Variants in UGT1A10 observed in about 807,000 individuals in gnomAD.
The protein encoded by UGT1A10 is UDP-glucuronosyltransferase 1A10.
UGT1A10 carries 49 observed loss-of-function variants against 45.8 expected under a neutral mutation model. The observed-to-expected ratio is 1.07, with a 90% confidence interval of 0.85 to 1.36. The LOEUF (loss-of-function observed/expected upper bound fraction) is 1.36, where lower values mean the gene tolerates loss of function less well. UGT1A10 is among the 40% of genes most tolerant of loss of function. The probability of loss-of-function intolerance (pLI) is 0.00; values close to 1 mark genes in which losing one functional copy is unlikely to be tolerated. For missense variants in UGT1A10, 745 were observed against 668.6 expected (o/e 1.11, Z -1.26); for synonymous variants, 284 against 249.7 (o/e 1.14, Z -1.29).
chr2:233,732,188 TA>T lies in UGT1A10; in HGVS notation c.856-34845del, dbSNP rs994200311. Among the ~76,000 whole-genome samples the T allele has an allele frequency of 9.1e-4, 138 of 152,390 alleles. 1 individual carries two copies. The highest frequency in any genetic ancestry group is 3.2e-3 in the African/African-American group (134 of 41,598). ...TGAGTTCTTTGTAGATTCTGGATATTAGCCCTTTGTCAGATGGGTAGATTGC... is the reference window on the plus strand; with the variant it reads ...TGAGTTCTTTGTAGATTCTGGATATTGCCCTTTGTCAGATGGGTAGATTGC... On this transcript the variant is annotated intron_variant, in intron 1 of 4. Transcript: ENST00000344644.
intron 1 of UGT1A10, among the ~76,000 whole-genome samples, chr2:233,686,049 ATAGTGTC>A (rs1203423623): frequency 1.3e-5 from 2 of 152,178 alleles, no homozygotes; most frequent in African/African-American, 4.8e-5. Context: ...ATGGCAAAGA[ATAGTGTC>A]TTCAGCAGAG....
At chr2:233,670,149 TAAGA>T (rs1302454652) in intron 1 of UGT1A10, among the ~76,000 whole-genome samples, 1 of 152,238 alleles carries the variant, frequency 6.6e-6, no homozygotes, top group Non-Finnish European at 1.5e-5. Flanking sequence ...AAAATGTTAT[TAAGA>T]AAATCTTAAG....
chr2:233,636,702 A>G lies in UGT1A10; in HGVS notation c.180A>G (p.Pro60=). The G allele has an allele frequency of 6.2e-7, 1 of 1,614,146 alleles. No individual in the cohort carries two copies. The highest frequency in any genetic ancestry group is 8.5e-7 in the Non-Finnish European group (1 of 1,179,978). Reference sequence around the variant, plus strand: ...GGCATGAGGTGGTTGTAGTCATGCCAGAGGTGAGTTGGCAACTGGAAAGAT... The same window carrying G: ...GGCATGAGGTGGTTGTAGTCATGCCGGAGGTGAGTTGGCAACTGGAAAGAT... ...LRGHEVVVVM[P]EVSWQLERSL... is the part of the protein sequence containing the mutation. The change falls in exon 1 of 5, where the codon CCA becomes CCG. Residue 60 remains proline, a synonymous_variant. Coordinates refer to ENST00000344644, the MANE Select transcript of UGT1A10 (RefSeq NM_019075.4).
rs969396704 is a variant in UGT1A10 at position 233,741,897 on chromosome 2, C to A, written c.856-25137C>A. On this transcript the variant is annotated intron_variant, in intron 1 of 4. Coordinates refer to ENST00000344644, the MANE Select transcript of UGT1A10 (RefSeq NM_019075.4). ...AGAGGTGACCCTAGAAGAAGGGACC[C>A]TTTGTGATGGAAAAGGTCTTCATTT... 18 of 151,852 alleles carry A rather than the reference C, an allele frequency of 1.2e-4. 1 individual carries two copies. Among genetic ancestry groups the A allele is most frequent in the African/African-American group, 4.1e-4 (17 of 41,132 alleles). The allele number at this position is 151,852 out of a possible 1,614,324, so 9.4% of individuals were successfully genotyped here. A position where few individuals can be genotyped will look rare whatever the true frequency, so the allele number is the denominator to read the frequency against.
intron 1 of UGT1A10, among the ~76,000 whole-genome samples, chr2:233,763,740 G>A (rs752841443): frequency 3.7e-4 from 57 of 152,188 alleles, no homozygotes; most frequent in Non-Finnish European, 5.6e-4. Flanking sequence ...GCATTGGCGT[G>A]TCTTTGGTGT....
rs1699793349 is a variant in UGT1A10 at position 233,769,122 on chromosome 2, A to G, written c.1295+683A>G. On this transcript the variant is annotated intron_variant, in intron 4 of 4. Transcript: ENST00000344644. The surrounding 1 kb of genome is among the most constrained non-coding windows in gnomAD (Gnocchi z 4.4). ...TAAGAGAAAAACAACTCAAATGCTTAGAAGTACAGCTTTTTGCAGCACTGG... is the reference window on the plus strand; with the variant it reads ...TAAGAGAAAAACAACTCAAATGCTTGGAAGTACAGCTTTTTGCAGCACTGG... Among the ~76,000 whole-genome samples, 1 of 152,252 alleles carries G rather than the reference A, an allele frequency of 6.6e-6. No individual in the cohort carries two copies. The highest frequency in any genetic ancestry group is 1.5e-5 in the Non-Finnish European group (1 of 68,050).
chr2:233,663,001 C>T (rs2074005690), intron 1 of UGT1A10, among the ~76,000 whole-genome samples: 1 of 152,134 alleles, frequency 6.6e-6, no homozygotes, highest in South Asian at 2.1e-4. Flanking sequence ...TAAACCTTGT[C>T]ATCTTCACCA....
intron 1 of UGT1A10, chr2:233,681,921 T>C (rs753348278): frequency 1.6e-5 from 26 of 1,605,958 alleles, no homozygotes; most frequent in Non-Finnish European, 1.8e-5. Context: ...CTGCTGGCTC[T>C]GGGCTGAAGT....
Position 233,745,964 on chromosome 2 carries a change from C to T in UGT1A10, c.856-21070C>T, listed in dbSNP as rs543022659. Among the ~76,000 whole-genome samples, 31 of 151,710 alleles carry T rather than the reference C, an allele frequency of 2.0e-4. No homozygotes were observed. In the South Asian group the frequency reaches 6.4e-3, roughly 32 times the overall value. The stretch of plus-strand genomic sequence containing the variant: ...GGGTTGGGCAACTGGGGGACAGGGG[C>T]CCTGAAATGGGACCATGACAGCTGG... On this transcript the variant is annotated intron_variant, in intron 1 of 4. Transcript: ENST00000344644.
chr2:233,734,123 A>ATAAT (rs1384319848), intron 1 of UGT1A10, among the ~76,000 whole-genome samples: 1 of 151,918 alleles, frequency 6.6e-6, no homozygotes, highest in Non-Finnish European at 1.5e-5. Context: ...AATAATAATA[A>ATAAT]AAAGAATTTG....
chr2:233,644,351 T>C (rs921353052), intron 1 of UGT1A10, among the ~76,000 whole-genome samples: 19 of 152,128 alleles, frequency 1.2e-4, no homozygotes, highest in African/African-American at 4.1e-4. Context: ...GTGGATCACT[T>C]GAGGCCAGGA....
intron 1 of UGT1A10, among the ~76,000 whole-genome samples, chr2:233,683,508 C>T (rs1219517388): frequency 6.6e-6 from 1 of 152,048 alleles, no homozygotes; most frequent in Non-Finnish European, 1.5e-5. Flanking sequence ...GGGTATCATC[C>T]TATGAGTATG....
intron 1 of UGT1A10, among the ~76,000 whole-genome samples, chr2:233,651,579 C>G (rs1352526605): frequency 2.0e-5 from 3 of 152,118 alleles, no homozygotes; most frequent in African/African-American, 7.2e-5. Flanking sequence ...TGCCCTTTGA[C>G]AAAGAGCCTT....
At chr2:233,700,796 T>C (rs2075587558) in intron 1 of UGT1A10, among the ~76,000 whole-genome samples, 1 of 152,174 alleles carries the variant, frequency 6.6e-6, no homozygotes, top group Non-Finnish European at 1.5e-5. Context: ...TATGTATACA[T>C]GTGCCATGTT....
intron 1 of UGT1A10, among the ~76,000 whole-genome samples, chr2:233,700,747 GT>G (rs2075585152): frequency 6.6e-6 from 1 of 151,606 alleles, no homozygotes; most frequent in African/African-American, 2.4e-5. Flanking sequence ...TATACTTTAA[GT>G]TTTAGGGTAC....
chr2:233,694,012 A>T, intron 1 of UGT1A10: 1 of 1,424,192 alleles, frequency 7.0e-7, no homozygotes. Context: ...AGCAGCGGGA[A>T]CACATAGGAG....
At chr2:233,747,810 A>G (rs1693783178) in intron 1 of UGT1A10, 1 of 1,613,368 alleles carries the variant, frequency 6.2e-7, no homozygotes, top group South Asian at 1.1e-5. Flanking sequence ...GTTACTAACG[A>G]CCAATTCAGA....
At chr2:233,648,901 C>T (rs1332721191) in intron 1 of UGT1A10, 1 of 1,335,910 alleles carries the variant, frequency 7.5e-7, no homozygotes, top group East Asian at 2.5e-5. Flanking sequence ...GGCATATGAT[C>T]TCTACAGCCA....
At chr2:233,703,465 T>C (rs368098064) in intron 1 of UGT1A10, among the ~76,000 whole-genome samples, 9 of 152,274 alleles carry the variant, frequency 5.9e-5, no homozygotes, top group African/African-American at 2.2e-4. Flanking sequence ...CTCTATTCTT[T>C]ATTATTTTCT....
Sources: allele counts gnomAD v4.1 joint callset (sites outside exome capture counted in the v4.1 genomes callset), GRCh38; gene constraint gnomAD v4.1.1; non-coding constraint Gnocchi (gnomAD v3.1); transcripts MANE v1.5; gene names NCBI Gene and HGNC (gene_info 2026-07-23, HGNC 2026-07-21).